The following DCDC2C variants were observed in gnomAD, a reference collection of about 807,000 sequenced individuals.
DCDC2C encodes the protein doublecortin domain containing 2C, also known as doublecortin domain-containing protein 2C.
In DCDC2C, 44 loss-of-function variants were observed where a neutral mutation model predicts 45.0. The ratio of observed to expected loss-of-function variants is 0.98; its 90% CI spans 0.77 to 1.26. DCDC2C has a LOEUF of 1.26. DCDC2C is among the 50% of genes most tolerant of loss of function. DCDC2C has a pLI of 0.00. For synonymous variants in DCDC2C, 187 were observed against 178.8 expected, an observed-to-expected ratio of 1.05 and a Z score of -0.37; for missense variants, 447 against 468.9, an observed-to-expected ratio of 0.95 and a Z score of 0.43.
At chr2:3,839,069 T>C (rs1443366921) in intron 10 of DCDC2C, among the ~76,000 whole-genome samples, 2 of 152,200 alleles carry the variant, frequency 1.3e-5, no homozygotes, top group Non-Finnish European at 2.9e-5. Flanking sequence ...GTTAACCTGT[T>C]AATCTAGGGC....
At chr2:3,733,696 C>G (rs1005925544) in intron 3 of DCDC2C, among the ~76,000 whole-genome samples, 2 of 152,152 alleles carry the variant, frequency 1.3e-5, no homozygotes, top group Non-Finnish European at 2.9e-5. Context: ...CCTGAGGCCT[C>G]TTTTATAAGG....
intron 10 of DCDC2C, among the ~76,000 whole-genome samples, chr2:3,789,391 C>G (rs1670746848): frequency 6.6e-6 from 1 of 152,118 alleles, no homozygotes; most frequent in African/African-American, 2.4e-5. Context: ...CATTGCTCAA[C>G]TTTATACTGT....
intron 10 of DCDC2C, among the ~76,000 whole-genome samples, chr2:3,816,062 A>T (rs1245057895): frequency 3.3e-5 from 5 of 152,158 alleles, no homozygotes; most frequent in Non-Finnish European, 7.3e-5. Context: ...TAGTGGGATT[A>T]TGGGCGGCAT....
intron 10 of DCDC2C, among the ~76,000 whole-genome samples, chr2:3,794,262 A>G (rs932151463): frequency 3.3e-5 from 5 of 152,222 alleles, no homozygotes; most frequent in Non-Finnish European, 7.3e-5. Flanking sequence ...CACATGCATT[A>G]ATATTTTCAT....
At chr2:3,776,292 G>A (rs975262035) in intron 8 of DCDC2C, among the ~76,000 whole-genome samples, 13 of 152,300 alleles carry the variant, frequency 8.5e-5, no homozygotes, top group Admixed American at 2.6e-4. Context: ...CTCTTTGAGC[G>A]TGTCTGTCTC....
intron 10 of DCDC2C, among the ~76,000 whole-genome samples, chr2:3,842,427 A>G (rs1291951698): frequency 1.3e-5 from 2 of 151,794 alleles, no homozygotes; most frequent in African/African-American, 2.4e-5. Flanking sequence ...CCAACTTGAC[A>G]GGGTGAGGAA....
At chr2:3,704,178 GCGCAGCC>G in intron 1 of DCDC2C, 140 bp downstream of exon 1, 1 of 840,430 alleles carries the variant, frequency 1.2e-6, no homozygotes, top group African/African-American at 1.8e-5. Context: ...CGTGGATCCA[GCGCAGCC>G]GGCGTCGGGC....
chr2:3,735,135 A>G (rs1358264905), intron 3 of DCDC2C, among the ~76,000 whole-genome samples: 1 of 152,188 alleles, frequency 6.6e-6, no homozygotes, highest in Non-Finnish European at 1.5e-5. Flanking sequence ...CACACAGGAT[A>G]ACTGAACTTT....
At chr2:3,805,219 A>T (rs1012824224) in intron 10 of DCDC2C, among the ~76,000 whole-genome samples, 1 of 152,222 alleles carries the variant, frequency 6.6e-6, no homozygotes, top group East Asian at 1.9e-4. Context: ...TGAAAGGTCC[A>T]AGTAATTTAG....
In DCDC2C at chr2:3,785,960, C is replaced by T. The variant is rs149212607; in HGVS notation, c.1065+860C>T. Among the ~76,000 whole-genome samples the T allele has an allele frequency of 7.3e-3, 1,106 of 152,304 alleles. 19 individuals carry two copies. The highest frequency in any genetic ancestry group is 0.025 in the African/African-American group (1,046 of 41,556). On this transcript the variant is annotated intron_variant, in intron 10 of 10. Transcript: ENST00000399143. ...CCTTAAAACCTGATTGCCTCAGTTT[C>T]CTCCTGTATTCAAAGTTTGTCTGTC...
At position 3,815,921 on chromosome 2, in the gene DCDC2C, G is replaced by C. The variant is rs112464298; in HGVS notation, c.1065+30821G>C. ...GATATGATGGCTTAGCTTGGGCTCA[G>C]AGACCTGACATTCCTGTCTTCTTAT... On this transcript the variant is annotated intron_variant, in intron 10 of 10. Coordinates refer to ENST00000399143, the MANE Select transcript of DCDC2C (RefSeq NM_001287444.2). Among the ~76,000 whole-genome samples the C allele has an allele frequency of 1.1e-4, 17 of 152,260 alleles. No homozygotes were observed. In the East Asian group the frequency reaches 3.3e-3, roughly 29 times the overall value.
chr2:3,771,060 T>C (rs1461705301), intron 8 of DCDC2C, among the ~76,000 whole-genome samples: 2 of 152,206 alleles, frequency 1.3e-5, no homozygotes, highest in Non-Finnish European at 2.9e-5. Context: ...CCTGTGGCTT[T>C]GAGTGACACA....
At chr2:3,730,145 C>T (rs923831805) in intron 3 of DCDC2C, among the ~76,000 whole-genome samples, 3 of 152,136 alleles carry the variant, frequency 2.0e-5, no homozygotes, top group Admixed American at 6.5e-5. Flanking sequence ...GCGTGACCAT[C>T]GGGATGGATA....
intron 2 of DCDC2C, among the ~76,000 whole-genome samples, chr2:3,714,983 GA>G (rs549009460): frequency 6.6e-6 from 1 of 152,268 alleles, no homozygotes; most frequent in South Asian, 2.1e-4. Flanking sequence ...TAATTTAAAA[GA>G]AAAACATATT....
chr2:3,833,009 C>G (rs1158547285), intron 10 of DCDC2C, among the ~76,000 whole-genome samples: 7 of 152,330 alleles, frequency 4.6e-5, no homozygotes, highest in Admixed American at 1.3e-4. Flanking sequence ...GCATTCCTTT[C>G]TGGAGGCTCT....
intron 10 of DCDC2C, among the ~76,000 whole-genome samples, chr2:3,794,102 T>A (rs1350525776): frequency 6.6e-6 from 1 of 152,248 alleles, no homozygotes; most frequent in Non-Finnish European, 1.5e-5. Flanking sequence ...TCTATTGTTA[T>A]ATTCTGTACT....
At chr2:3,829,965 G>A (rs1319667026) in intron 10 of DCDC2C, among the ~76,000 whole-genome samples, 1 of 152,236 alleles carries the variant, frequency 6.6e-6, no homozygotes, top group Non-Finnish European at 1.5e-5. Context: ...TTCTGTTGTG[G>A]AATGGAAGTG....
At chr2:3,725,706 T>TGCCAGGTGGATCCCAGAGGAAGAC (rs1668646892) in intron 2 of DCDC2C, among the ~76,000 whole-genome samples, 3 of 91,200 alleles carry the variant, frequency 3.3e-5, no homozygotes, top group Non-Finnish European at 7.4e-5. Flanking sequence ...CAGAGGGAGA[T>TGCCAGGTGGATCCCAGAGGAAGAC]GAGCAAAGAG....
chr2:3,787,970 C>T (rs72771275), intron 10 of DCDC2C, among the ~76,000 whole-genome samples: 4,859 of 152,230 alleles, frequency 0.032, 97 homozygotes, highest in Middle Eastern at 0.051. Flanking sequence ...TTGAGCAGAG[C>T]TGCCATTCAC....
Sources: allele counts gnomAD v4.1 joint callset (sites outside exome capture counted in the v4.1 genomes callset), GRCh38; gene constraint gnomAD v4.1.1; transcripts MANE v1.5; gene names NCBI Gene and HGNC (gene_info 2026-07-23, HGNC 2026-07-21).